UBR2: variants seen among roughly 807,000 people sequenced by gnomAD.
The protein encoded by UBR2 is ubiquitin protein ligase E3 component n-recognin 2, also known as E3 ubiquitin-protein ligase UBR2.
Under a neutral mutation model 247.9 loss-of-function variants are expected in UBR2, and 92 were observed. The observed-to-expected ratio is 0.37, with a 90% CI of 0.31 to 0.44. UBR2 has a LOEUF of 0.44. Ranked by LOEUF, UBR2 falls within the 20% of genes least tolerant of loss-of-function variation. UBR2 has a pLI of 1.00. For missense variants in UBR2, 1,613 were observed against 2,112.6 expected (o/e 0.76, Z 4.64); for synonymous variants, 672 against 693.5 (o/e 0.97, Z 0.49).
chr6:42,639,877 T>TATTAGCCG (rs1197670081), intron 15 of UBR2, among the ~76,000 whole-genome samples: 1 of 151,956 alleles, frequency 6.6e-6, no homozygotes, highest in East Asian at 1.9e-4. Context: ...AAGCCTCTTT[T>TATTAGCCG]ATTAGCCGGG....
intron 4 of UBR2, among the ~76,000 whole-genome samples, chr6:42,602,607 T>TG (rs1793452920): frequency 2.0e-5 from 3 of 149,682 alleles, no homozygotes; most frequent in Admixed American, 6.7e-5. Context: ...ATATGTGTTT[T>TG]TGTGTGTGTG....
chr6:42,614,962 C>A, intron 8 of UBR2, 109 bp from the exon 9 acceptor site: 1 of 855,954 alleles, frequency 1.2e-6, no homozygotes, highest in Non-Finnish European at 1.7e-6. Context: ...TAAATTTGAA[C>A]TTTAAGAAAA....
chr6:42,628,985 A>AT (rs1179967025), intron 11 of UBR2, among the ~76,000 whole-genome samples: 1 of 152,028 alleles, frequency 6.6e-6, no homozygotes, highest in East Asian at 1.9e-4. Flanking sequence ...TATAAAATGA[A>AT]TAAAAACTGT....
At chr6:42,653,746 G>A (rs1797264447) in intron 25 of UBR2, among the ~76,000 whole-genome samples, 2 of 148,534 alleles carry the variant, frequency 1.3e-5, no homozygotes, top group Admixed American at 6.9e-5. Context: ...CTCCCAAGTA[G>A]TTGGGAGTAC....
At position 42,617,420 on chromosome 6, in the gene UBR2, T is replaced by G; in HGVS notation, c.1194T>G (p.Arg398=). Residue 398 remains arginine, a synonymous_variant, in exon 11 of 47, where the codon CGT becomes CGG. Transcript: ENST00000372901. ...FAVRFAKNYE[R]LQSDYVTDDH... is the part of the protein sequence containing the mutation. ...TGCCTTCTTAATAGAACTATGAGCG[T>G]TTGCAGAGTGATTATGTGACAGATG... 1.3e-6 allele frequency: 2 copies of G among 1,596,564 alleles called. No homozygotes were observed. The highest frequency in any genetic ancestry group is 1.7e-6 in the Non-Finnish European group (2 of 1,170,944).
chr6:42,597,576 C>T (rs1465755103), intron 4 of UBR2, among the ~76,000 whole-genome samples: 1 of 148,058 alleles, frequency 6.8e-6, no homozygotes, highest in Non-Finnish European at 1.5e-5. Flanking sequence ...CAGCCTTGGG[C>T]GACAGAGTGA....
rs1358769362 is a variant in UBR2 at position 42,620,478 on chromosome 6, G to GTT, written c.1281+2972_1281+2973dup. On this transcript the variant is annotated intron_variant, in intron 11 of 46. Coordinates refer to ENST00000372901, the MANE Select transcript of UBR2 (RefSeq NM_001363705.2). ...CTTGTTTACTTCCTGAATATTAAGT[G>GTT]TTGTTTTTTTTTTTTGTTTTTGTTT... 12 of 100,978 alleles carry GTT rather than the reference G, an allele frequency of 1.2e-4. No individual in the cohort carries two copies. In the East Asian group the frequency reaches 1.8e-3, roughly 15 times the overall value. The allele number at this position is 100,978 out of a possible 1,614,324, so 6.3% of individuals were successfully genotyped here. A position where few individuals can be genotyped will look rare whatever the true frequency, so the allele number is the denominator to read the frequency against.
intron 36 of UBR2, among the ~76,000 whole-genome samples, chr6:42,672,124 C>G (rs1189743802): frequency 2.0e-5 from 3 of 152,092 alleles, no homozygotes; most frequent in African/African-American, 7.2e-5. Flanking sequence ...CCTCTGCATC[C>G]TGGGTTCAAG....
chr6:42,571,698 G>A lies in UBR2; in HGVS notation c.79-2036G>A, dbSNP rs984039438. Among the ~76,000 whole-genome samples, 4 of 142,438 alleles carry A rather than the reference G, an allele frequency of 2.8e-5. No homozygotes were observed. The Admixed American group carries it at 3.0e-4, about 11-fold the overall frequency. 93.4% of individuals were successfully genotyped at this position (142,438 alleles called of 152,430 possible). ...GCAGAGGTTGCAGTGAGCCGAGATC[G>A]TACCACTGCACTCCAGCCTGGGCGA... On this transcript the variant is annotated intron_variant, in intron 1 of 46. Transcript: ENST00000372901.
intron 32 of UBR2, among the ~76,000 whole-genome samples, chr6:42,663,975 A>C (rs571628882): frequency 8.5e-5 from 13 of 152,174 alleles, no homozygotes; most frequent in African/African-American, 3.1e-4. Flanking sequence ...CCTGGGCAAC[A>C]TAGTGAGACC....
At chr6:42,670,772 G>GC in intron 36 of UBR2, 57 bp downstream of exon 36, 1 of 1,414,018 alleles carries the variant, frequency 7.1e-7, no homozygotes, top group South Asian at 1.3e-5. Context: ...AGGTGGTTCT[G>GC]CTGCTTTTAA....
intron 2 of UBR2, among the ~76,000 whole-genome samples, chr6:42,577,518 TATTAA>T (rs1421571681): frequency 6.8e-6 from 1 of 147,754 alleles, no homozygotes; most frequent in East Asian, 1.9e-4. Context: ...TGTTATTCGT[TATTAA>T]ATAGAAATGG....
chr6:42,650,427 T>C (rs745568408), intron 23 of UBR2, 41 bp downstream of exon 23: 1 of 1,535,318 alleles, frequency 6.5e-7, no homozygotes, highest in East Asian at 2.3e-5. Flanking sequence ...AAGGATTGCA[T>C]TGTTTTTCTT....
intron 13 of UBR2, among the ~76,000 whole-genome samples, chr6:42,633,163 T>TTTGTTGTTG (rs78126394): frequency 1.6e-4 from 24 of 149,626 alleles, no homozygotes; most frequent in African/African-American, 3.0e-4. Context: ...GCCCAGCTTC[T>TTTGTTGTTG]TTGTTGTTGT....
Position 42,641,628 on chromosome 6 carries a change from T to G in UBR2, c.1967T>G (p.Leu656Arg). 2 of 1,607,604 alleles carry G rather than the reference T, an allele frequency of 1.2e-6. No homozygotes were observed. The highest frequency in any genetic ancestry group is 1.7e-6 in the Non-Finnish European group (2 of 1,177,846). Residue 656 changes from leucine to arginine, a missense_variant, in exon 17 of 47, where the codon CTT becomes CGT. Coordinates refer to ENST00000372901, the MANE Select transcript of UBR2 (RefSeq NM_001363705.2). Reference sequence around the variant, plus strand: ...TTGATAGAACACCCTCTTAGATGTCTTGTTCTGTGTGCCCAAGTACATGCC... The same window carrying G: ...TTGATAGAACACCCTCTTAGATGTCGTGTTCTGTGTGCCCAAGTACATGCC... ...PMLIEHPLRC[L>R]VLCAQVHAGM... is the part of the protein sequence containing the mutation.
At chr6:42,680,924 G>C (rs543290293) in intron 42 of UBR2, among the ~76,000 whole-genome samples, 1 of 152,148 alleles carries the variant, frequency 6.6e-6, no homozygotes, top group African/African-American at 2.4e-5. Context: ...AGCACTTTGG[G>C]AGGCCCAGAC....
At chr6:42,583,870 G>A (rs528541076) in intron 2 of UBR2, among the ~76,000 whole-genome samples, 1 of 151,916 alleles carries the variant, frequency 6.6e-6, no homozygotes, top group Non-Finnish European at 1.5e-5. Flanking sequence ...TAGACTTTAT[G>A]TCTGGGCCTA....
At chr6:42,650,778 A>G (rs1437477486) in intron 23 of UBR2, among the ~76,000 whole-genome samples, 8 of 152,216 alleles carry the variant, frequency 5.3e-5, no homozygotes, top group Non-Finnish European at 1.0e-4. Flanking sequence ...TATACGATCT[A>G]TATAATACAT....
At chr6:42,583,312 G>T (rs60945575) in intron 2 of UBR2, among the ~76,000 whole-genome samples, 1 of 151,598 alleles carries the variant, frequency 6.6e-6, no homozygotes, top group African/African-American at 2.4e-5. Context: ...CAATAGCGCA[G>T]TCTCGGCTCA....
Sources: allele counts gnomAD v4.1 joint callset (sites outside exome capture counted in the v4.1 genomes callset), GRCh38; gene constraint gnomAD v4.1.1; transcripts MANE v1.5; gene names NCBI Gene and HGNC (gene_info 2026-07-23, HGNC 2026-07-21).